Variants in ERBB4 observed in about 807,000 individuals in gnomAD.
The protein encoded by ERBB4 is erb-b2 receptor tyrosine kinase 4.
Under a neutral mutation model 158.0 loss-of-function variants are expected in ERBB4, and 42 were observed. That is an observed-to-expected ratio of 0.27 (90% CI 0.21 to 0.34). The LOEUF (loss-of-function observed/expected upper bound fraction) is 0.34, where lower values mean the gene tolerates loss of function less well. ERBB4 is among the 10% of genes least tolerant of loss of function. The pLI is 1.00. For missense variants in ERBB4, 1,333 were observed against 1,624.1 expected, an observed-to-expected ratio of 0.82 and a Z score of 3.08; for synonymous variants, 583 against 558.7, an observed-to-expected ratio of 1.04 and a Z score of -0.61.
chr2:211,862,971 C>T (rs917314108), intron 3 of ERBB4, among the ~76,000 whole-genome samples: 29 of 151,964 alleles, frequency 1.9e-4, no homozygotes, highest in African/African-American at 6.8e-4. Context: ...CCAATCAGCA[C>T]TCTGCGTCTA....
chr2:212,127,279 AT>A (rs981672194), intron 1 of ERBB4, among the ~76,000 whole-genome samples: 1 of 152,224 alleles, frequency 6.6e-6, no homozygotes, highest in African/African-American at 2.4e-5. Flanking sequence ...CCCAACACAA[AT>A]TCATAAACTT....
intron 1 of ERBB4, among the ~76,000 whole-genome samples, chr2:212,149,359 CTT>C (rs1208162121): frequency 6.6e-6 from 1 of 151,864 alleles, no homozygotes; most frequent in African/African-American, 2.4e-5. Flanking sequence ...CACATGTACT[CTT>C]TTTTAAAAAA....
At chr2:212,518,360 G>T (rs1274675194) in intron 1 of ERBB4, among the ~76,000 whole-genome samples, 1 of 151,892 alleles carries the variant, frequency 6.6e-6, no homozygotes. Context: ...TTATATTCAA[G>T]AATGAATATT....
intron 1 of ERBB4, among the ~76,000 whole-genome samples, chr2:212,534,140 G>A (rs1322937396): frequency 6.6e-6 from 1 of 152,184 alleles, no homozygotes; most frequent in Non-Finnish European, 1.5e-5. Context: ...TTAAGAACAT[G>A]TTAACTTTTC....
chr2:212,278,366 T>A (rs1399746675), intron 1 of ERBB4, among the ~76,000 whole-genome samples: 1 of 151,776 alleles, frequency 6.6e-6, no homozygotes, highest in Non-Finnish European at 1.5e-5. Flanking sequence ...TTATCAAACA[T>A]AATTGAATTT....
chr2:212,426,382 T>C (rs575533067), intron 1 of ERBB4: 1 of 425,290 alleles, frequency 2.4e-6, no homozygotes, highest in Non-Finnish European at 4.6e-6. Context: ...GTTATACAAA[T>C]TAGATCTCTT....
At chr2:211,851,377 T>C (rs1038396392) in intron 3 of ERBB4, among the ~76,000 whole-genome samples, 5 of 151,902 alleles carry the variant, frequency 3.3e-5, no homozygotes, top group African/African-American at 9.7e-5. Context: ...ATTGGCTTAA[T>C]CCAATTCAAT....
chr2:212,044,963 C>T (rs1332453337), intron 2 of ERBB4, among the ~76,000 whole-genome samples: 1 of 151,916 alleles, frequency 6.6e-6, no homozygotes, highest in Non-Finnish European at 1.5e-5. Context: ...TCTAATGAGC[C>T]TCTGACACTT....
At chr2:211,929,555 T>G (rs2080116218) in intron 3 of ERBB4, among the ~76,000 whole-genome samples, 1 of 152,156 alleles carries the variant, frequency 6.6e-6, no homozygotes, top group Non-Finnish European at 1.5e-5. Flanking sequence ...ACACCATGTT[T>G]CAGTGCCATG....
intron 1 of ERBB4, among the ~76,000 whole-genome samples, chr2:212,346,000 A>T (rs1478027987): frequency 6.6e-6 from 1 of 152,212 alleles, no homozygotes. Flanking sequence ...ACATTTTAAA[A>T]TGCATATTCT....
chr2:211,929,703 T>C (rs780225409), intron 3 of ERBB4, among the ~76,000 whole-genome samples: 12 of 152,160 alleles, frequency 7.9e-5, no homozygotes, highest in Non-Finnish European at 1.0e-4. Flanking sequence ...AATAGAGAAA[T>C]AGAATTATAA....
At chr2:211,485,973 T>C (rs1292792452) in intron 20 of ERBB4, among the ~76,000 whole-genome samples, 1 of 152,178 alleles carries the variant, frequency 6.6e-6, no homozygotes, top group Non-Finnish European at 1.5e-5. Flanking sequence ...TATTATGATT[T>C]CCAACTGGTT....
At chr2:211,828,329 G>T (rs576683979) in intron 3 of ERBB4, among the ~76,000 whole-genome samples, 1 of 151,918 alleles carries the variant, frequency 6.6e-6, no homozygotes, top group Non-Finnish European at 1.5e-5. Flanking sequence ...TATCATTTTC[G>T]CACCAGAAGA....
intron 13 of ERBB4, among the ~76,000 whole-genome samples, chr2:211,677,820 G>C (rs1484545064): frequency 6.6e-6 from 1 of 152,168 alleles, no homozygotes; most frequent in Non-Finnish European, 1.5e-5. Context: ...CTTGCAGTGA[G>C]TCGAGATCGC....
chr2:212,183,979 C>T (rs2081945784), intron 1 of ERBB4, among the ~76,000 whole-genome samples: 1 of 152,112 alleles, frequency 6.6e-6, no homozygotes, highest in Non-Finnish European at 1.5e-5. Context: ...TTTAAGCATG[C>T]TCTGTTCCCA....
intron 1 of ERBB4, among the ~76,000 whole-genome samples, chr2:212,486,738 C>G (rs1425255267): frequency 6.6e-6 from 1 of 152,074 alleles, no homozygotes; most frequent in Non-Finnish European, 1.5e-5. Flanking sequence ...ATAAACACAA[C>G]AGAGTGAAAT....
chr2:211,392,508 ATTTGG>A (rs2062818046), intron 25 of ERBB4, among the ~76,000 whole-genome samples: 1 of 149,388 alleles, frequency 6.7e-6, no homozygotes, highest in East Asian at 2.0e-4. Flanking sequence ...TCATTTTTCT[ATTTGG>A]TTTGATTCTG....
At chr2:212,413,616 A>G (rs539291037) in intron 1 of ERBB4, among the ~76,000 whole-genome samples, 127 of 152,228 alleles carry the variant, frequency 8.3e-4, no homozygotes, top group African/African-American at 2.9e-3. Flanking sequence ...TAATTTCAAA[A>G]CTAGTAATAC....
At chr2:212,158,991 T>C (rs1243413105) in intron 1 of ERBB4, among the ~76,000 whole-genome samples, 1 of 152,002 alleles carries the variant, frequency 6.6e-6, no homozygotes. Context: ...ATAATGTTCT[T>C]AATAAAGAGT....
Sources: allele counts gnomAD v4.1 joint callset (sites outside exome capture counted in the v4.1 genomes callset), GRCh38; gene constraint gnomAD v4.1.1; transcripts MANE v1.5; gene names NCBI Gene and HGNC (gene_info 2026-07-23, HGNC 2026-07-21).